Variants in GABRG3 observed in about 807,000 individuals in gnomAD.
GABRG3 encodes gamma-aminobutyric acid receptor subunit gamma-3.
A neutral mutation model predicts 48.8 loss-of-function variants in GABRG3; 25 were observed. That is an observed-to-expected ratio of 0.51 (90% CI 0.37 to 0.72). The LOEUF is 0.72. Ranked by LOEUF, GABRG3 falls within the 30% of genes least tolerant of loss-of-function variation. GABRG3 has a pLI of 0.00. For missense variants in GABRG3, 394 were observed against 577.9 expected (o/e 0.68, Z 3.26); for synonymous variants, 227 against 217.6 (o/e 1.04, Z -0.38).
intron 5 of GABRG3, among the ~76,000 whole-genome samples, chr15:27,406,559 A>T (rs914292506): frequency 3.9e-5 from 6 of 152,318 alleles, no homozygotes; most frequent in African/African-American, 1.4e-4. Context: ...AACATCAGGC[A>T]AAACCAGATT....
chr15:27,205,896 C>CT (rs1292678074), intron 3 of GABRG3, among the ~76,000 whole-genome samples: 2 of 151,690 alleles, frequency 1.3e-5, no homozygotes, highest in African/African-American at 4.8e-5. Context: ...TTTTGAATTT[C>CT]TTTATGGTTG....
intron 3 of GABRG3, among the ~76,000 whole-genome samples, chr15:27,252,199 G>A (rs1394040039): frequency 2.0e-5 from 3 of 152,150 alleles, no homozygotes; most frequent in East Asian, 1.9e-4. Flanking sequence ...GGGGGTGGCC[G>A]TGGGCTGGCC....
chr15:27,440,493 T>C (rs1888751509), intron 5 of GABRG3, among the ~76,000 whole-genome samples: 1 of 152,246 alleles, frequency 6.6e-6, no homozygotes, highest in East Asian at 1.9e-4. Context: ...ATGTACCTGA[T>C]GCCATCCGGA....
intron 3 of GABRG3, among the ~76,000 whole-genome samples, chr15:27,147,429 T>C (rs1898229271): frequency 6.6e-6 from 1 of 152,000 alleles, no homozygotes; most frequent in African/African-American, 2.4e-5. Context: ...AACAAGGACA[T>C]AGAATATTTG....
Position 27,197,661 on chromosome 15 carries a change from T to A in GABRG3, c.271-129148T>A, listed in dbSNP as rs369540936. On this transcript the variant is annotated intron_variant, in intron 3 of 9. Coordinates refer to ENST00000615808, the MANE Select transcript of GABRG3 (RefSeq NM_033223.5). ...GAAAGAATTAAGGATAAATATTGCT[T>A]GGCTTAGTTTTAGAAGGAATGGTAC... is the stretch of plus-strand genomic sequence containing the variant. Among the ~76,000 whole-genome samples, 15 of 152,242 alleles carry A rather than the reference T, an allele frequency of 9.9e-5. No homozygotes were observed. In the East Asian group the frequency reaches 2.7e-3, roughly 27 times the overall value.
At chr15:27,024,857 T>C (rs1305001467) in intron 2 of GABRG3, among the ~76,000 whole-genome samples, 3 of 151,918 alleles carry the variant, frequency 2.0e-5, no homozygotes, top group Non-Finnish European at 4.4e-5. Context: ...TGAAACCCCG[T>C]CTCTACTAAA....
chr15:27,418,279 T>TGGGAA (rs1888003966), intron 5 of GABRG3, among the ~76,000 whole-genome samples: 1 of 151,918 alleles, frequency 6.6e-6, no homozygotes, highest in South Asian at 2.1e-4. Flanking sequence ...GAGGGGAAAA[T>TGGGAA]GGGAAGGGAA....
intron 5 of GABRG3, among the ~76,000 whole-genome samples, chr15:27,339,395 T>C (rs534106537): frequency 1.6e-4 from 25 of 152,346 alleles, no homozygotes; most frequent in Admixed American, 1.4e-3. Flanking sequence ...AGGCTTCCCA[T>C]CAAGGACCAT....
intron 5 of GABRG3, among the ~76,000 whole-genome samples, chr15:27,458,191 A>C (rs1182942559): frequency 6.6e-6 from 1 of 152,182 alleles, no homozygotes; most frequent in African/African-American, 2.4e-5. Context: ...GATCGTGATA[A>C]GTGCGGCCAC....
intron 5 of GABRG3, among the ~76,000 whole-genome samples, chr15:27,342,523 A>G (rs780685099): frequency 6.6e-6 from 1 of 152,190 alleles, no homozygotes; most frequent in African/African-American, 2.4e-5. Context: ...AGACAGGACA[A>G]TGCTGCTGCT....
intron 3 of GABRG3, among the ~76,000 whole-genome samples, chr15:27,152,009 G>A (rs1274007134): frequency 6.6e-6 from 1 of 152,134 alleles, no homozygotes; most frequent in African/African-American, 2.4e-5. Flanking sequence ...TAATTTTGAT[G>A]AAGTCTAACC....
intron 3 of GABRG3, among the ~76,000 whole-genome samples, chr15:27,069,762 G>A (rs1023454187): frequency 3.3e-5 from 5 of 152,214 alleles, no homozygotes; most frequent in Non-Finnish European, 7.3e-5. Context: ...TTATTTAGAA[G>A]TAATATTCAG....
chr15:26,980,681 CA>C (rs67711680), intron 2 of GABRG3, among the ~76,000 whole-genome samples: 119 of 124,026 alleles, frequency 9.6e-4, no homozygotes, highest in Middle Eastern at 9.7e-3. Flanking sequence ...TCCTCTGTCT[CA>C]AAAAAAAAAA....
chr15:27,480,791 G>A lies in GABRG3; in HGVS notation c.712+4G>A, dbSNP rs368856088. 11 of 1,613,308 alleles carry A rather than the reference G, an allele frequency of 6.8e-6. No homozygotes were observed. In the African/African-American group the frequency reaches 1.3e-4, roughly 20 times the overall value. On this transcript the variant is annotated splice_donor_region_variant and intron_variant, in intron 6 of 9. Coordinates refer to ENST00000615808, the MANE Select transcript of GABRG3 (RefSeq NM_033223.5). ...GAAATCGTGACAACGTCTGCAGGTA[G>A]GAATTTACTGAAAGAGGCACAGCTC...
intron 2 of GABRG3, among the ~76,000 whole-genome samples, chr15:26,997,710 G>T (rs187509453): frequency 6.6e-6 from 1 of 152,268 alleles, no homozygotes; most frequent in East Asian, 1.9e-4. Flanking sequence ...TAGACAGTTA[G>T]ATTTTTCTCT....
rs1889963875 is a variant in GABRG3 at position 27,236,281 on chromosome 15, T to TG, written c.271-90527dup. Among the ~76,000 whole-genome samples the TG allele has an allele frequency of 6.6e-6, 1 of 152,144 alleles. No individual in the cohort carries two copies. The highest frequency in any genetic ancestry group is 6.5e-5 in the Admixed American group (1 of 15,276). ...GTCCCTCAGTCTCCCAGGGTCTACT[T>TG]GCACAGCACTGGAGGGAGACTGAAG... On this transcript the variant is annotated intron_variant, in intron 3 of 9. Transcript: ENST00000615808. The surrounding 1 kb of genome is among the most constrained non-coding windows in gnomAD (Gnocchi z 4.4).
At chr15:27,146,881 CA>C (rs1898219199) in intron 3 of GABRG3, among the ~76,000 whole-genome samples, 1 of 151,630 alleles carries the variant, frequency 6.6e-6, no homozygotes, top group East Asian at 1.9e-4. Context: ...AGGAATAGAA[CA>C]AAAAAGACAT....
At chr15:27,116,121 A>C (rs1449884918) in intron 3 of GABRG3, among the ~76,000 whole-genome samples, 1 of 152,226 alleles carries the variant, frequency 6.6e-6, no homozygotes, top group Non-Finnish European at 1.5e-5. Flanking sequence ...TGGTGGCCAG[A>C]TGTCGCCCAG....
intron 3 of GABRG3, among the ~76,000 whole-genome samples, chr15:27,209,554 A>G (rs894666513): frequency 4.6e-5 from 7 of 152,184 alleles, no homozygotes; most frequent in Admixed American, 4.6e-4. Flanking sequence ...GCTGCCCTCA[A>G]GACAAGGAAA....
Sources: allele counts gnomAD v4.1 joint callset (sites outside exome capture counted in the v4.1 genomes callset), GRCh38; gene constraint gnomAD v4.1.1; non-coding constraint Gnocchi (gnomAD v3.1); transcripts MANE v1.5; gene names NCBI Gene and HGNC (gene_info 2026-07-23, HGNC 2026-07-21).